LRRC4C: variants seen among roughly 807,000 people sequenced by gnomAD.
LRRC4C encodes the protein leucine rich repeat containing 4C.
LRRC4C carries 5 observed loss-of-function variants against 33.6 expected under a neutral mutation model. The observed-to-expected ratio is 0.15, with a 90% CI of 0.08 to 0.31. The LOEUF (loss-of-function observed/expected upper bound fraction) is 0.31. Among genes scored for constraint, LRRC4C ranks in the 10% least tolerant of loss-of-function variants. The pLI, the probability that LRRC4C is intolerant of heterozygous loss-of-function variation, is 1.00. For missense variants in LRRC4C, 560 were observed against 796.7 expected (o/e 0.70, Z 3.58); for synonymous variants, 329 against 302.0 (o/e 1.09, Z -0.93).
intron 2 of LRRC4C, among the ~76,000 whole-genome samples, chr11:40,717,568 G>C (rs1036251858): frequency 6.6e-6 from 1 of 151,652 alleles, no homozygotes; most frequent in Non-Finnish European, 1.5e-5. Flanking sequence ...TCTTTTTTTG[G>C]GGGGGTACAG....
At chr11:41,065,499 C>A (rs1035716791) in intron 1 of LRRC4C, among the ~76,000 whole-genome samples, 3 of 152,268 alleles carry the variant, frequency 2.0e-5, no homozygotes, top group African/African-American at 7.2e-5. Context: ...TTCCTGCCCA[C>A]GGGCTCTGAA....
intron 1 of LRRC4C, among the ~76,000 whole-genome samples, chr11:41,314,828 A>G (rs541785001): frequency 1.3e-5 from 2 of 152,110 alleles, no homozygotes; most frequent in Non-Finnish European, 2.9e-5. Flanking sequence ...TAAAGAGACG[A>G]CCCCAGCTAC....
intron 5 of LRRC4C, among the ~76,000 whole-genome samples, chr11:40,174,007 T>C (rs1860264074): frequency 6.6e-6 from 1 of 152,186 alleles, no homozygotes; most frequent in Admixed American, 6.5e-5. Flanking sequence ...ACCAACCTTG[T>C]ATAAGTTACC....
At chr11:41,037,148 T>G (rs1857128551) in intron 1 of LRRC4C, among the ~76,000 whole-genome samples, 1 of 128,090 alleles carries the variant, frequency 7.8e-6, no homozygotes, top group South Asian at 2.9e-4. Context: ...GGTTGCCCCT[T>G]TCTGTACAAG....
intron 2 of LRRC4C, among the ~76,000 whole-genome samples, chr11:40,806,052 G>T (rs1439254362): frequency 1.3e-5 from 2 of 152,034 alleles, no homozygotes; most frequent in South Asian, 2.1e-4. Flanking sequence ...ATATAGTTTT[G>T]CTACGTATAA....
At chr11:40,215,043 A>C (rs1863874879) in intron 5 of LRRC4C, among the ~76,000 whole-genome samples, 1 of 152,148 alleles carries the variant, frequency 6.6e-6, no homozygotes, top group South Asian at 2.1e-4. Flanking sequence ...TCAATGATGC[A>C]AATCTGCCAC....
intron 2 of LRRC4C, among the ~76,000 whole-genome samples, chr11:40,699,046 A>G (rs1051952295): frequency 6.6e-6 from 1 of 151,998 alleles, no homozygotes; most frequent in African/African-American, 2.4e-5. Context: ...CCTACTATTC[A>G]CCCTTTCCTC....
chr11:41,027,756 A>G (rs1856470237), intron 1 of LRRC4C, among the ~76,000 whole-genome samples: 1 of 151,682 alleles, frequency 6.6e-6, no homozygotes, highest in Non-Finnish European at 1.5e-5. Flanking sequence ...GTTGAGGGCC[A>G]TGGAGTTTTT....
At chr11:40,617,874 C>G (rs1454186030) in intron 3 of LRRC4C, among the ~76,000 whole-genome samples, 1 of 151,614 alleles carries the variant, frequency 6.6e-6, no homozygotes, top group African/African-American at 2.4e-5. Context: ...ACCTGGTTGA[C>G]TAAGTGAAGA....
intron 4 of LRRC4C, among the ~76,000 whole-genome samples, chr11:40,287,228 A>G (rs917545104): frequency 1.2e-4 from 18 of 150,854 alleles, no homozygotes; most frequent in Admixed American, 4.7e-4. Context: ...AGGTTTTCCA[A>G]CATAAGGAAG....
chr11:40,744,541 A>C (rs1020016097), intron 2 of LRRC4C, among the ~76,000 whole-genome samples: 4 of 152,138 alleles, frequency 2.6e-5, no homozygotes, highest in African/African-American at 9.7e-5. Flanking sequence ...TTCTGCCTCA[A>C]CTGGCCTTTG....
At chr11:40,760,357 C>T (rs1032484352) in intron 2 of LRRC4C, among the ~76,000 whole-genome samples, 1 of 148,312 alleles carries the variant, frequency 6.7e-6, no homozygotes, top group African/African-American at 2.5e-5. Context: ...TGAGCAGTTG[C>T]AACGGAGACC....
At chr11:41,341,626 A>G (rs1034127812) in intron 1 of LRRC4C, among the ~76,000 whole-genome samples, 1 of 152,206 alleles carries the variant, frequency 6.6e-6, no homozygotes, top group Admixed American at 6.5e-5. Flanking sequence ...AGAAGCTCAC[A>G]GGCAGAATCA....
At chr11:40,987,663 T>TATATATA (rs1565274573) in intron 1 of LRRC4C, among the ~76,000 whole-genome samples, 1 of 78,214 alleles carries the variant, frequency 1.3e-5, no homozygotes, top group South Asian at 3.9e-4. Context: ...CTCATATATA[T>TATATATA]GAGATATAAA....
intron 3 of LRRC4C, among the ~76,000 whole-genome samples, chr11:40,494,009 A>G (rs1010519714): frequency 2.6e-5 from 4 of 152,276 alleles, no homozygotes; most frequent in Admixed American, 1.3e-4. Context: ...AGATGACATC[A>G]GGGAATTAAT....
intron 1 of LRRC4C, among the ~76,000 whole-genome samples, chr11:40,987,640 T>TATATC (rs1565274256): frequency 1.0e-4 from 7 of 70,048 alleles, no homozygotes; most frequent in African/African-American, 3.9e-4. Context: ...GATATATATA[T>TATATC]ATATATATAT....
intron 3 of LRRC4C, among the ~76,000 whole-genome samples, chr11:40,508,071 A>G (rs1955127473): frequency 6.6e-6 from 1 of 152,152 alleles, no homozygotes; most frequent in Non-Finnish European, 1.5e-5. Context: ...TTTAAATGTT[A>G]TATCCCTCCA....
rs1386233735 is a variant in LRRC4C at position 41,015,236 on chromosome 11, TTTAC to T, written c.-495-81517_-495-81514del. ...TTTATTTACAATCACACTATTATAT[TTTAC>T]TTACTGTCAATAACAAAGATGTAAT... On this transcript the variant is annotated intron_variant, in intron 1 of 6. Transcript: ENST00000528697. 2.0e-5 allele frequency among the ~76,000 whole-genome samples: 3 copies of T among 152,206 alleles called. No homozygotes were observed. The East Asian group carries it at 5.8e-4, about 29-fold the overall frequency.
intron 4 of LRRC4C, among the ~76,000 whole-genome samples, chr11:40,284,450 CTG>C (rs1446343797): frequency 6.6e-6 from 1 of 151,008 alleles, no homozygotes; most frequent in Non-Finnish European, 1.5e-5. Context: ...CTGAGGAAGA[CTG>C]TGCTGTTGAG....
Sources: allele counts gnomAD v4.1 joint callset (sites outside exome capture counted in the v4.1 genomes callset), GRCh38; gene constraint gnomAD v4.1.1; transcripts MANE v1.5; gene names NCBI Gene and HGNC (gene_info 2026-07-23, HGNC 2026-07-21).